ASAP1: variants seen among roughly 807,000 people sequenced by gnomAD.
ASAP1 encodes ArfGAP with SH3 domain, ankyrin repeat and PH domain 1.
ASAP1 carries 43 observed loss-of-function variants against 145.2 expected under a neutral mutation model. The ratio of observed to expected loss-of-function variants is 0.30; its 90% CI spans 0.23 to 0.38. ASAP1 has a LOEUF of 0.38. Among genes scored for constraint, ASAP1 ranks in the 10% least tolerant of loss-of-function variants. The pLI, the probability that ASAP1 is intolerant of heterozygous loss-of-function variation, is 1.00. For synonymous variants in ASAP1, 546 were observed against 515.5 expected, an observed-to-expected ratio of 1.06 and a Z score of -0.80; for missense variants, 1,018 against 1,355.3, an observed-to-expected ratio of 0.75 and a Z score of 3.91.
At chr8:130,322,223 A>G (rs772097937) in intron 3 of ASAP1, among the ~76,000 whole-genome samples, 7 of 152,182 alleles carry the variant, frequency 4.6e-5, no homozygotes, top group East Asian at 1.9e-4. Flanking sequence ...GAAAAATTGC[A>G]TAAGAAACTG....
intron 24 of ASAP1, among the ~76,000 whole-genome samples, chr8:130,095,294 ATTTTTTTT>A (rs71302392): frequency 2.1e-5 from 2 of 95,704 alleles, no homozygotes; most frequent in Non-Finnish European, 3.9e-5. Flanking sequence ...TAGGCCAGTG[ATTTTTTTT>A]TTTTTTTTTT....
intron 16 of ASAP1, among the ~76,000 whole-genome samples, chr8:130,127,620 C>T (rs1000331166): frequency 6.6e-6 from 1 of 152,088 alleles, no homozygotes; most frequent in Non-Finnish European, 1.5e-5. Flanking sequence ...GACAGTGATA[C>T]AAAATGTGGA....
intron 2 of ASAP1, among the ~76,000 whole-genome samples, chr8:130,399,757 T>A (rs1048744476): frequency 6.6e-6 from 1 of 150,922 alleles, no homozygotes; most frequent in African/African-American, 2.4e-5. Context: ...ATCTGAAACA[T>A]AAATATTACC....
chr8:130,289,905 G>T (rs888078978), intron 3 of ASAP1, among the ~76,000 whole-genome samples: 1 of 152,058 alleles, frequency 6.6e-6, no homozygotes, highest in Admixed American at 6.5e-5. Context: ...TTCTAGTTTA[G>T]CTTCTAAAAG....
At chr8:130,163,624 G>A (rs1003493347) in intron 11 of ASAP1, among the ~76,000 whole-genome samples, 4 of 152,178 alleles carry the variant, frequency 2.6e-5, no homozygotes, top group Non-Finnish European at 5.9e-5. Context: ...AGCTTGCTAA[G>A]CAGGGCACTC....
intron 11 of ASAP1, among the ~76,000 whole-genome samples, chr8:130,165,757 T>C (rs2136062723): frequency 6.6e-6 from 1 of 152,302 alleles, no homozygotes; most frequent in East Asian, 1.9e-4. Context: ...CCAGTGCATA[T>C]ACCTGGATTT....
At chr8:130,079,857 C>T in intron 26 of ASAP1, 45 bp downstream of exon 26, 4 of 1,546,774 alleles carry the variant, frequency 2.6e-6, no homozygotes, top group Non-Finnish European at 3.6e-6. Context: ...CTGTCCATTG[C>T]ATCAATGGAT....
intron 19 of ASAP1, 79 bp downstream of exon 19, chr8:130,118,410 G>A: frequency 9.1e-6 from 13 of 1,421,994 alleles, no homozygotes; most frequent in Non-Finnish European, 1.2e-5. Context: ...CTCATTATAT[G>A]GTATAATGTT....
At chr8:130,425,956 G>A (rs111306091) in intron 1 of ASAP1, among the ~76,000 whole-genome samples, 4,812 of 152,232 alleles carry the variant, frequency 0.032, 96 homozygotes, top group African/African-American at 0.058. Flanking sequence ...CACCACTGCC[G>A]CTGCTTCCAC....
chr8:130,194,204 T>A (rs893752319), intron 5 of ASAP1, among the ~76,000 whole-genome samples: 4 of 152,048 alleles, frequency 2.6e-5, no homozygotes, highest in Admixed American at 2.6e-4. Context: ...ATTTACAAAG[T>A]CTTTCCAACT....
intron 12 of ASAP1, among the ~76,000 whole-genome samples, chr8:130,153,693 T>C (rs1470941103): frequency 6.6e-6 from 1 of 151,494 alleles, no homozygotes; most frequent in African/African-American, 2.4e-5. Context: ...ACAGTAAAAA[T>C]GGGAAATAGA....
At chr8:130,409,511 T>C (rs1266193573) in intron 1 of ASAP1, among the ~76,000 whole-genome samples, 1 of 152,136 alleles carries the variant, frequency 6.6e-6, no homozygotes, top group Non-Finnish European at 1.5e-5. Flanking sequence ...CCAGCATGCA[T>C]GTGTTTGAGA....
chr8:130,085,029 G>C (rs926161005), intron 25 of ASAP1, among the ~76,000 whole-genome samples: 1 of 152,182 alleles, frequency 6.6e-6, no homozygotes, highest in African/African-American at 2.4e-5. Context: ...GTCAGGGATT[G>C]GTAGAACCTG....
intron 1 of ASAP1, among the ~76,000 whole-genome samples, chr8:130,415,860 A>G (rs1422210541): frequency 2.0e-5 from 3 of 152,044 alleles, no homozygotes; most frequent in Non-Finnish European, 4.4e-5. Flanking sequence ...ACAACAAATT[A>G]CATTTCAGCC....
At chr8:130,429,188 ATT>A (rs1232639607) in intron 1 of ASAP1, among the ~76,000 whole-genome samples, 1 of 152,140 alleles carries the variant, frequency 6.6e-6, no homozygotes, top group Non-Finnish European at 1.5e-5. Context: ...CTTCATTTTA[ATT>A]TTTGTTTCCT....
chr8:130,247,822 G>A lies in ASAP1; in HGVS notation c.187-10828C>T, dbSNP rs149530165. ...TTCCACTTAGCTTCAGGCACACCCT[G>A]GGAACCACAGCTTTTGTGGACTTCA... On this transcript the variant is annotated intron_variant, in intron 3 of 29. Transcript: ENST00000518721. 2.7e-3 allele frequency among the ~76,000 whole-genome samples: 412 copies of A among 152,260 alleles called. 1 individual carries two copies. Among genetic ancestry groups the A allele is most frequent in the Admixed American group, 5.2e-3 (80 of 15,286 alleles).
At position 130,289,497 on chromosome 8, in the gene ASAP1, A is replaced by G. The variant is rs978507049; in HGVS notation, c.187-52503T>C. 2.6e-5 allele frequency among the ~76,000 whole-genome samples: 4 copies of G among 152,220 alleles called. 1 individual carries two copies. Among genetic ancestry groups the G allele is most frequent in the Admixed American group, 2.6e-4 (4 of 15,284 alleles). ...ATTCAAATTTTAGAGAATACCCCAA[A>G]TCCTTAGGGAGGCAGCTACCTTGCA... On this transcript the variant is annotated intron_variant, in intron 3 of 29. Transcript: ENST00000518721.
intron 1 of ASAP1, among the ~76,000 whole-genome samples, chr8:130,425,204 C>T (rs1829870932): frequency 6.7e-6 from 1 of 149,682 alleles, no homozygotes; most frequent in Non-Finnish European, 1.5e-5. Context: ...TGGTAGCAGG[C>T]ACCTGTAATC....
intron 23 of ASAP1, among the ~76,000 whole-genome samples, chr8:130,114,767 TA>T (rs1381385822): frequency 2.3e-5 from 3 of 132,904 alleles, no homozygotes; most frequent in African/African-American, 8.3e-5. Flanking sequence ...TTTTGAAGGT[TA>T]ATTTTTTTTT....
Sources: allele counts gnomAD v4.1 joint callset (sites outside exome capture counted in the v4.1 genomes callset), GRCh38; gene constraint gnomAD v4.1.1; transcripts MANE v1.5; gene names NCBI Gene and HGNC (gene_info 2026-07-23, HGNC 2026-07-21).